OSBPL11: variants seen among roughly 807,000 people sequenced by gnomAD.
OSBPL11 encodes oxysterol-binding protein-related protein 11.
OSBPL11 carries 33 observed loss-of-function variants against 84.4 expected under a neutral mutation model. The ratio of observed to expected loss-of-function variants is 0.39; its 90% confidence interval spans 0.30 to 0.52. The LOEUF (loss-of-function observed/expected upper bound fraction) is 0.52, where lower values mean the gene tolerates loss of function less well. Ranked by LOEUF, OSBPL11 falls within the 20% of genes least tolerant of loss-of-function variation. The pLI is 0.72. For missense variants in OSBPL11, 736 were observed against 901.1 expected (o/e 0.82, Z 2.35); for synonymous variants, 276 against 310.2 (o/e 0.89, Z 1.16).
At chr3:125,580,155 A>C (rs1936400969) in intron 2 of OSBPL11, 115 bp from the exon 3 acceptor site, 2 of 889,398 alleles carry the variant, frequency 2.2e-6, no homozygotes, top group Non-Finnish European at 3.3e-6. Flanking sequence ...AATAAAATTT[A>C]AAAGCATTTC....
chr3:125,569,120 A>AT (rs1213767080), intron 5 of OSBPL11, among the ~76,000 whole-genome samples: 20 of 151,260 alleles, frequency 1.3e-4, no homozygotes, highest in Admixed American at 1.3e-3. Flanking sequence ...AATTTTTTGT[A>AT]TTTTTTTTAG....
chr3:125,591,097 A>G (rs901153174), intron 1 of OSBPL11, among the ~76,000 whole-genome samples: 14 of 152,254 alleles, frequency 9.2e-5, no homozygotes, highest in African/African-American at 3.4e-4. Flanking sequence ...ACAATTATCT[A>G]CATTTCCAAT....
intron 5 of OSBPL11, among the ~76,000 whole-genome samples, chr3:125,572,335 T>C (rs546273460): frequency 6.6e-6 from 1 of 152,328 alleles, no homozygotes; most frequent in East Asian, 1.9e-4. Flanking sequence ...GACTTTGGAC[T>C]GTGGACTTCT....
chr3:125,554,807 G>A (rs1935965859), intron 8 of OSBPL11, among the ~76,000 whole-genome samples: 1 of 151,898 alleles, frequency 6.6e-6, no homozygotes. Context: ...ACAGAAGACA[G>A]ACAAAGAGAG....
At chr3:125,533,467 C>T (rs577723625) in intron 11 of OSBPL11, among the ~76,000 whole-genome samples, 3 of 151,886 alleles carry the variant, frequency 2.0e-5, no homozygotes, top group East Asian at 1.9e-4. Flanking sequence ...TCAAATGACC[C>T]GCCCACCTCG....
intron 10 of OSBPL11, among the ~76,000 whole-genome samples, chr3:125,541,081 C>T (rs1935723185): frequency 6.6e-6 from 1 of 152,190 alleles, no homozygotes. Flanking sequence ...GAAACAAGTA[C>T]ATGAATGGGC....
Position 125,594,721 on chromosome 3 carries a change from G to A in OSBPL11, c.80C>T (p.Thr27Ile), listed in dbSNP as rs769774537. Residue 27 changes from threonine to isoleucine, a missense_variant, in exon 1 of 13, where the codon ACC (threonine) becomes ATC (isoleucine). By Grantham distance (89) the Thr-to-Ile change is moderately conservative (BLOSUM62 -1). Coordinates refer to ENST00000296220, the MANE Select transcript of OSBPL11 (RefSeq NM_022776.5). ...GKLEGQATAV[T>I]PNKNSSCGGG... is the part of the protein sequence containing the mutation. Reference sequence around the variant, plus strand: ...TCCACAGCTGCTGTTCTTGTTCGGGGTCACCGCTGTGGCCTGGCCCTCCAG... The same window carrying A: ...TCCACAGCTGCTGTTCTTGTTCGGGATCACCGCTGTGGCCTGGCCCTCCAG... 7 of 1,614,122 alleles carry A rather than the reference G, an allele frequency of 4.3e-6. No individual in the cohort carries two copies. Among genetic ancestry groups the A allele is most frequent in the South Asian group, 1.1e-5 (1 of 91,070 alleles).
At chr3:125,539,162 T>C (rs964878186) in intron 10 of OSBPL11, among the ~76,000 whole-genome samples, 2 of 150,678 alleles carry the variant, frequency 1.3e-5, no homozygotes, top group Non-Finnish European at 3.0e-5. Flanking sequence ...AAATAATACA[T>C]TAAAATGTTT....
chr3:125,560,444 C>T lies in OSBPL11; in HGVS notation c.1090G>A (p.Glu364Lys), dbSNP rs775315776. 2.5e-6 allele frequency: 4 copies of T among 1,608,958 alleles called. No homozygotes were observed. The highest frequency in any genetic ancestry group is 2.5e-6 in the Non-Finnish European group (3 of 1,177,100). The stretch of plus-strand genomic sequence containing the variant: ...TGTAGGATGACACTACGTTGTTCTT[C>T]TACAGCTCCCAGGTCATCCTCTTTG... ...DHKEDDLGAVEEQRSVILHLL... is the reference protein window; with the variant it reads ...DHKEDDLGAVKEQRSVILHLL... Residue 364 changes from glutamate to lysine, a missense_variant, in exon 8 of 13, where the codon GAA (glutamate) becomes AAA (lysine). Coordinates refer to ENST00000296220, the MANE Select transcript of OSBPL11 (RefSeq NM_022776.5).
intron 10 of OSBPL11, among the ~76,000 whole-genome samples, chr3:125,543,910 A>T (rs996234687): frequency 1.3e-5 from 2 of 152,164 alleles, no homozygotes; most frequent in African/African-American, 4.8e-5. Context: ...AAAAATAAAA[A>T]TAAAAAAAAT....
intron 1 of OSBPL11, among the ~76,000 whole-genome samples, chr3:125,584,858 T>C (rs1432134019): frequency 6.6e-6 from 1 of 152,184 alleles, no homozygotes; most frequent in East Asian, 1.9e-4. Flanking sequence ...ATTATCTATA[T>C]CACTCATTTA....
At chr3:125,563,463 A>G (rs1306083928) in intron 7 of OSBPL11, among the ~76,000 whole-genome samples, 1 of 152,206 alleles carries the variant, frequency 6.6e-6, no homozygotes, top group African/African-American at 2.4e-5. Flanking sequence ...ATATATTTTT[A>G]TCAAGCAAAA....
In OSBPL11 at chr3:125,552,243, G is replaced by A. The variant is rs578002517; in HGVS notation, c.1592C>T (p.Ala531Val). The stretch of plus-strand genomic sequence containing the variant: ...GAACTTGCTCTTAGTCCAGACATGC[G>A]CATTTACACACATCTTCCTCTCTGT... Reference protein sequence around the residue: ...ECTERKMCVNAHVWTKSKFLG... With the variant: ...ECTERKMCVNVHVWTKSKFLG... Residue 531 changes from alanine to valine, a missense_variant, in exon 9 of 13, where the codon GCG (alanine) becomes GTG (valine). Physicochemically the swap from Ala to Val is moderately conservative, Grantham distance 64. This residue lies in a region of OSBPL11 where 579 missense variants were observed against 717.6 expected (regional missense o/e 0.81). Coordinates refer to ENST00000296220, the MANE Select transcript of OSBPL11 (RefSeq NM_022776.5). 11 of 1,613,710 alleles carry A rather than the reference G, an allele frequency of 6.8e-6. No individual in the cohort carries two copies. The highest frequency in any genetic ancestry group is 2.2e-5 in the South Asian group (2 of 91,028).
chr3:125,545,411 T>C (rs1244442981), intron 10 of OSBPL11, among the ~76,000 whole-genome samples: 1 of 152,244 alleles, frequency 6.6e-6, no homozygotes, highest in Non-Finnish European at 1.5e-5. Context: ...CACAGTACCA[T>C]TGTCCTTACC....
Position 125,591,297 on chromosome 3 carries a change from C to A in OSBPL11, c.164+3340G>T, listed in dbSNP as rs150114612. Reference sequence around the variant, plus strand: ...CATAAATCCCAATAATCCCCACCTGCTGGTATTCTCACACCCTTGTGTGGG... The same window carrying A: ...CATAAATCCCAATAATCCCCACCTGATGGTATTCTCACACCCTTGTGTGGG... On this transcript the variant is annotated intron_variant, in intron 1 of 12. Transcript: ENST00000296220. Among the ~76,000 whole-genome samples, 394 of 152,326 alleles carry A rather than the reference C, an allele frequency of 2.6e-3. 1 individual carries two copies. The highest frequency in any genetic ancestry group is 9.1e-3 in the African/African-American group (377 of 41,588).
At chr3:125,554,283 A>G (rs1022842268) in intron 8 of OSBPL11, among the ~76,000 whole-genome samples, 3 of 152,246 alleles carry the variant, frequency 2.0e-5, no homozygotes, top group African/African-American at 7.2e-5. Flanking sequence ...ATAACTCCAT[A>G]TAAACTAAAC....
intron 1 of OSBPL11, among the ~76,000 whole-genome samples, chr3:125,591,086 G>C (rs1936588751): frequency 6.6e-6 from 1 of 152,138 alleles, no homozygotes; most frequent in South Asian, 2.1e-4. Context: ...ATAATGTAAA[G>C]ACAATTATCT....
rs375465936 is a variant in OSBPL11, at chr3:125,588,012, AG to A, written c.165-5035del. ...TGAGGTGGGTGGATCACTTGAGGTC[AG>A]GAGTTCAAAACCAGCCTAGCCAACA... On this transcript the variant is annotated intron_variant, in intron 1 of 12. Coordinates refer to ENST00000296220, the MANE Select transcript of OSBPL11 (RefSeq NM_022776.5). 1.2e-4 allele frequency among the ~76,000 whole-genome samples: 19 copies of A among 152,268 alleles called. No individual in the cohort carries two copies. The South Asian group carries it at 2.1e-3, about 17-fold the overall frequency.
intron 5 of OSBPL11, 40 bp downstream of exon 5, chr3:125,576,149 T>C (rs550835351): frequency 6.4e-7 from 1 of 1,554,506 alleles, no homozygotes; most frequent in South Asian, 1.2e-5. Context: ...GCAGGTAAAA[T>C]CATTTTGTGC....
Sources: allele counts gnomAD v4.1 joint callset (sites outside exome capture counted in the v4.1 genomes callset), GRCh38; gene constraint gnomAD v4.1.1; regional missense constraint gnomAD v4.1.1; transcripts MANE v1.5; gene names NCBI Gene and HGNC (gene_info 2026-07-23, HGNC 2026-07-21).